GBF1: variants seen among roughly 807,000 people sequenced by gnomAD.
GBF1 encodes the protein golgi brefeldin A resistant guanine nucleotide exchange factor 1, also known as Golgi-specific brefeldin A-resistance guanine nucleotide exchange factor 1.
In GBF1, 114 loss-of-function variants were observed where a neutral mutation model predicts 210.5. The ratio of observed to expected loss-of-function variants is 0.54; its 90% confidence interval spans 0.47 to 0.63. The LOEUF is 0.63. GBF1 is among the 30% of genes least tolerant of loss of function. The probability of loss-of-function intolerance (pLI) is 0.00; values close to 1 mark genes in which losing one functional copy is unlikely to be tolerated. For missense variants in GBF1, 1,851 were observed against 2,357.7 expected (o/e 0.79, Z 4.45); for synonymous variants, 850 against 889.2 (o/e 0.96, Z 0.78).
At chr10:102,356,154 G>A (rs1052623594) in intron 8 of GBF1, among the ~76,000 whole-genome samples, 9 of 152,200 alleles carry the variant, frequency 5.9e-5, no homozygotes, top group African/African-American at 2.2e-4. Flanking sequence ...GAAGAATTGT[G>A]TGGTTTCTAA....
chr10:102,299,093 G>GCC (rs1338187934), intron 3 of GBF1, among the ~76,000 whole-genome samples: 3 of 152,136 alleles, frequency 2.0e-5, no homozygotes, highest in Non-Finnish European at 4.4e-5. Context: ...CCTTGGGCAG[G>GCC]TTGCATAACC....
Position 102,376,423 on chromosome 10 carries a change from T to G in GBF1, c.4038T>G (p.Gly1346=). ...SATDADVVNS[G]WLVVGKDDVD... Reference sequence around the variant, plus strand: ...CAGATGCCGATGTGGTCAACAGTGGTTGGTTAGTGGTGAGTGACAATATGG... The same window carrying G: ...CAGATGCCGATGTGGTCAACAGTGGGTGGTTAGTGGTGAGTGACAATATGG... Residue 1346 remains glycine, a synonymous_variant, in exon 31 of 40, where the codon GGT becomes GGG. Transcript: ENST00000369983. 1 of 1,613,978 alleles carries G rather than the reference T, an allele frequency of 6.2e-7. No homozygotes were observed. The highest frequency in any genetic ancestry group is 8.5e-7 in the Non-Finnish European group (1 of 1,179,976).
intron 3 of GBF1, among the ~76,000 whole-genome samples, chr10:102,267,522 A>AACG (rs2073984824): frequency 1.3e-5 from 2 of 152,032 alleles, no homozygotes; most frequent in African/African-American, 4.8e-5. Context: ...CAACAACAAC[A>AACG]ACAACAAAAG....
intron 3 of GBF1, among the ~76,000 whole-genome samples, chr10:102,315,297 G>A (rs1565099049): frequency 6.6e-6 from 1 of 152,288 alleles, no homozygotes; most frequent in Non-Finnish European, 1.5e-5. Context: ...GGTAAGTGGT[G>A]GGCGAGCAAG....
intron 3 of GBF1, among the ~76,000 whole-genome samples, chr10:102,333,580 G>A (rs561547866): frequency 3.3e-4 from 50 of 151,888 alleles, no homozygotes; most frequent in Middle Eastern, 3.4e-3. Flanking sequence ...CCACAGGTGC[G>A]CATGCCTGGC....
intron 3 of GBF1, among the ~76,000 whole-genome samples, chr10:102,342,339 T>C (rs561236117): frequency 1.2e-4 from 18 of 151,830 alleles, no homozygotes; most frequent in African/African-American, 4.3e-4. Context: ...GCCCGGCCCT[T>C]TTATGTGCTT....
At chr10:102,356,174 C>G (rs1405662732) in intron 8 of GBF1, among the ~76,000 whole-genome samples, 1 of 152,124 alleles carries the variant, frequency 6.6e-6, no homozygotes, top group Non-Finnish European at 1.5e-5. Flanking sequence ...AGCAAGGAAT[C>G]AAAGATTACC....
Position 102,382,346 on chromosome 10 carries a change from C to T in GBF1, c.*10C>T, listed in dbSNP as rs914998111. 1.9e-6 allele frequency: 3 copies of T among 1,597,266 alleles called. No homozygotes were observed. Among genetic ancestry groups the T allele is most frequent in the Non-Finnish European group, 2.6e-6 (3 of 1,170,654 alleles). On this transcript the variant is annotated 3_prime_UTR_variant, in exon 40 of 40. Transcript: ENST00000369983. ...CTCTGAGGTCAACTAAGGCAGGTCA[C>T]TCAGAGATCAGGACCAGTGCTTCCC...
In GBF1 at chr10:102,368,776, G is replaced by C; in HGVS notation, c.2917G>C (p.Asp973His). 1 of 1,613,564 alleles carries C rather than the reference G, an allele frequency of 6.2e-7. No homozygotes were observed. Among genetic ancestry groups the C allele is most frequent in the Non-Finnish European group, 8.5e-7 (1 of 1,179,548 alleles). Residue 973 changes from aspartate to histidine, a missense_variant, in exon 23 of 40, where the codon GAT becomes CAT. Around this residue, in one of 3 missense-constraint regions of GBF1, gnomAD observed 967 missense variants for 1,247.7 expected, o/e 0.78. Coordinates refer to ENST00000369983, the MANE Select transcript of GBF1 (RefSeq NM_001377137.1). ...AMISAHYGLS[D>H]VFDNLIISLC... is the part of the protein sequence containing the mutation. The stretch of plus-strand genomic sequence containing the variant: ...GATCTCCGCCCACTATGGCCTCAGC[G>C]ATGTGTTTGACAATCTCATCATCTC...
chr10:102,267,379 C>G (rs949673124), intron 3 of GBF1, among the ~76,000 whole-genome samples: 1 of 152,208 alleles, frequency 6.6e-6, no homozygotes, highest in Admixed American at 6.5e-5. Flanking sequence ...GTGGCGCATG[C>G]CTGTAGTCCC....
intron 8 of GBF1, 29 bp downstream of exon 8, chr10:102,353,683 C>G: frequency 1.9e-6 from 3 of 1,548,286 alleles, no homozygotes; most frequent in Non-Finnish European, 2.7e-6. Context: ...TCTGCTGTCC[C>G]TCATCCAAAC....
At chr10:102,234,755 T>C in the GBF1 span, among the ~76,000 whole-genome samples, 50 of 152,190 alleles carry the variant, frequency 3.3e-4, no homozygotes, top group Non-Finnish European at 6.6e-4. Flanking sequence ...GGGGTTTACC[T>C]GTGGGAAAAG....
intron 3 of GBF1, among the ~76,000 whole-genome samples, chr10:102,287,739 C>T (rs1479537455): frequency 1.3e-5 from 2 of 152,184 alleles, no homozygotes; most frequent in Non-Finnish European, 2.9e-5. Context: ...AGAGCAGAAG[C>T]CACACTTTGT....
At chr10:102,361,665 T>A in intron 13 of GBF1, 53 bp from the exon 14 acceptor site, 1 of 1,277,808 alleles carries the variant, frequency 7.8e-7, no homozygotes, top group Non-Finnish European at 1.1e-6. Flanking sequence ...TTTTTTCTCT[T>A]CCTATCTTGA....
At chr10:102,336,315 G>GAAAAAAAAAAAAAAAAAAAAA in intron 3 of GBF1, among the ~76,000 whole-genome samples, 1 of 118,380 alleles carries the variant, frequency 8.4e-6, no homozygotes, top group Non-Finnish European at 1.8e-5. Flanking sequence ...AAAAAAAAAA[G>GAAAAAAAAAAAAAAAAAAAAA]AAAAAAAAAA....
At chr10:102,280,086 T>A (rs910397475) in intron 3 of GBF1, among the ~76,000 whole-genome samples, 2 of 150,648 alleles carry the variant, frequency 1.3e-5, no homozygotes, top group African/African-American at 4.9e-5. Flanking sequence ...ATGGCACCAC[T>A]GCACTCTAGC....
At chr10:102,360,869 G>A (rs908534535) in intron 12 of GBF1, among the ~76,000 whole-genome samples, 153 bp from the exon 13 acceptor site, 7 of 152,022 alleles carry the variant, frequency 4.6e-5, no homozygotes, top group Non-Finnish European at 1.0e-4. Context: ...CAGCTTCTTG[G>A]GAGGCTGAGG....
At chr10:102,299,275 T>A (rs1226381427) in intron 3 of GBF1, among the ~76,000 whole-genome samples, 2 of 152,148 alleles carry the variant, frequency 1.3e-5, no homozygotes, top group Non-Finnish European at 2.9e-5. Context: ...AAGGCAAAAC[T>A]GTGGTGACCA....
Position 102,364,415 on chromosome 10 carries a change from G to A in GBF1, c.2106+617G>A, listed in dbSNP as rs543403224. 4.0e-5 allele frequency among the ~76,000 whole-genome samples: 6 copies of A among 149,542 alleles called. No homozygotes were observed. In the East Asian group the frequency reaches 6.0e-4, roughly 15 times the overall value. On this transcript the variant is annotated intron_variant, in intron 17 of 39. Transcript: ENST00000369983. ...AATTTTTTGTATTTTTAGTAGAGAC[G>A]GGGTTTCACCGTGTTAGCCAGGGTG...
Sources: gnomAD v4.1 joint callset for allele counts (sites outside exome capture counted in the v4.1 genomes callset) on GRCh38, gnomAD v4.1.1 for gene constraint, gnomAD v4.1.1 regional missense constraint, MANE v1.5 for transcripts, NCBI Gene and HGNC (gene_info 2026-07-23, HGNC 2026-07-21) for gene names.